UPP1: variants seen among roughly 807,000 people sequenced by gnomAD.
UPP1 encodes the protein uridine phosphorylase 1.
UPP1 carries 25 observed loss-of-function variants against 29.6 expected under a neutral mutation model. The observed-to-expected ratio is 0.85, with a 90% CI of 0.62 to 1.18. The LOEUF (loss-of-function observed/expected upper bound fraction) is 1.18. Among genes scored for constraint, UPP1 ranks in the 50% most tolerant of loss-of-function variants. The probability of loss-of-function intolerance (pLI) is 0.00; values close to 1 mark genes in which losing one functional copy is unlikely to be tolerated. For synonymous variants in UPP1, 165 were observed against 159.8 expected, an observed-to-expected ratio of 1.03 and a Z score of -0.25; for missense variants, 368 against 410.4, an observed-to-expected ratio of 0.90 and a Z score of 0.89.
Position 48,106,860 on chromosome 7 carries a change from C to CT in UPP1, c.437-7dup. On this transcript the variant is annotated splice_polypyrimidine_tract_variant and intron_variant, in intron 6 of 8. Coordinates refer to ENST00000395564, the MANE Select transcript of UPP1 (RefSeq NM_003364.4). The stretch of plus-strand genomic sequence containing the variant: ...TACACCCTGCATATCTTGATGTCTG[C>CT]TTTTTTCCTCAGGTCTGGAGCCCGG... 1.2e-6 allele frequency: 2 copies of CT among 1,613,280 alleles called. No homozygotes were observed. The highest frequency in any genetic ancestry group is 1.7e-6 in the Non-Finnish European group (2 of 1,179,710).
At chr7:48,094,028 C>T (rs1406663351) in intron 2 of UPP1, among the ~76,000 whole-genome samples, 2 of 152,032 alleles carry the variant, frequency 1.3e-5, no homozygotes, top group Admixed American at 1.3e-4. Flanking sequence ...AACATGGTGG[C>T]GTGTGTCTGT....
chr7:48,107,060 G>A lies in UPP1; in HGVS notation c.624G>A (p.Met208Ile). ...TCACCACAGTGGTGGGGAACACCAT[G>A]TGCACCTTGGACTTCTATGAAGGTG... ...SEFTTVVGNT[M>I]CTLDFYEGQG... Residue 208 changes from methionine to isoleucine, a missense_variant, in exon 7 of 9, where the codon ATG (methionine) becomes ATA (isoleucine). Met to Ile is a conservative substitution (Grantham distance 10). Transcript: ENST00000395564. 1 of 1,612,178 alleles carries A rather than the reference G, an allele frequency of 6.2e-7. No homozygotes were observed. Among genetic ancestry groups the A allele is most frequent in the Non-Finnish European group, 8.5e-7 (1 of 1,179,908 alleles).
chr7:48,108,021 G>C (rs543393923), intron 8 of UPP1, among the ~76,000 whole-genome samples, 197 bp from the exon 9 acceptor site: 1 of 152,182 alleles, frequency 6.6e-6, no homozygotes, highest in Non-Finnish European at 1.5e-5. Flanking sequence ...GTCAGAGAGG[G>C]AGGAGTCTTC....
chr7:48,094,970 A>C (rs1792048752), intron 3 of UPP1, 143 bp downstream of exon 3: 1 of 1,056,198 alleles, frequency 9.5e-7, no homozygotes, highest in Non-Finnish European at 1.4e-6. Flanking sequence ...TGGAGGGATT[A>C]ATGACTCAGG....
chr7:48,108,267 C>T lies in UPP1; in HGVS notation c.843C>T (p.Ile281=). Residue 281 remains isoleucine (I), a synonymous_variant, in exon 9 of 9, where the codon ATC becomes ATT. Coordinates refer to ENST00000395564, the MANE Select transcript of UPP1 (RefSeq NM_003364.4). ...TGAACCGCCTGGAAGGGGACCAGAT[C>T]AGCAGCCCTCGCAATGTGCTCAGCG... ...TLLNRLEGDQ[I]SSPRNVLSEY... The T allele has an allele frequency of 6.2e-7, 1 of 1,614,012 alleles. No homozygotes were observed. Among genetic ancestry groups the T allele is most frequent in the Non-Finnish European group, 8.5e-7 (1 of 1,180,040 alleles).
chr7:48,091,203 A>C (rs1200359539), intron 2 of UPP1, among the ~76,000 whole-genome samples: 1 of 152,166 alleles, frequency 6.6e-6, no homozygotes, highest in Non-Finnish European at 1.5e-5. Flanking sequence ...AATGTTTACA[A>C]GCTAAGTTAT....
rs768368343 is a variant in UPP1 at position 48,103,429 on chromosome 7, G to A, written c.436+18G>A. On this transcript the variant is annotated intron_variant, in intron 6 of 8. Transcript: ENST00000395564. ...TGGGATAGGTAAGGTCTGCAGAGGGGCCTCTTGCCCTGTGAATGGATGAGG... is the reference window on the plus strand; with the variant it reads ...TGGGATAGGTAAGGTCTGCAGAGGGACCTCTTGCCCTGTGAATGGATGAGG... 29 of 1,602,200 alleles carry A rather than the reference G, an allele frequency of 1.8e-5. No homozygotes were observed. The highest frequency in any genetic ancestry group is 2.4e-5 in the Non-Finnish European group (28 of 1,169,424).
intron 2 of UPP1, among the ~76,000 whole-genome samples, chr7:48,093,013 T>TA (rs911556777): frequency 2.0e-5 from 3 of 151,812 alleles, no homozygotes; most frequent in Non-Finnish European, 4.4e-5. Context: ...CCCCTGTTTC[T>TA]AAAAAAATGA....
intron 3 of UPP1, among the ~76,000 whole-genome samples, 156 bp from the exon 4 acceptor site, chr7:48,099,514 C>T (rs146180931): frequency 1.3e-5 from 2 of 152,244 alleles, no homozygotes; most frequent in Admixed American, 6.5e-5. Flanking sequence ...GAGGCAAGTG[C>T]GGACCTTGGC....
upstream of UPP1, chr7:48,088,939 C>A (rs1283877536): frequency 3.3e-5 from 5 of 152,408 alleles, no homozygotes; most frequent in Admixed American, 3.3e-4. Context: ...AAGATTTCCT[C>A]TGTAGTAGGG....
In UPP1 at chr7:48,107,009, G is replaced by T. The variant is rs1368084157; in HGVS notation, c.573G>T (p.Leu191Phe). ...ACAAGAAGCTGGTGCAGGAGCTGTT[G>T]CTGTGTTCTGCAGAGCTGAGCGAGT... ...DLNKKLVQEL[L>F]LCSAELSEFT... The change falls in exon 7 of 9, where the codon TTG becomes TTT. Residue 191 changes from leucine to phenylalanine, a missense_variant. Physicochemically the swap from Leu to Phe is conservative, Grantham distance 22. Transcript: ENST00000395564. 2 of 1,612,874 alleles carry T rather than the reference G, an allele frequency of 1.2e-6. No homozygotes were observed. Among genetic ancestry groups the T allele is most frequent in the Admixed American group, 3.3e-5 (2 of 60,018 alleles).
At chr7:48,094,634 C>T (rs1213116483) in intron 2 of UPP1, 129 bp from the exon 3 acceptor site, 1 of 723,984 alleles carries the variant, frequency 1.4e-6, no homozygotes, top group Non-Finnish European at 2.4e-6. Flanking sequence ...TCACACAATT[C>T]ACACACTTAC....
intron 3 of UPP1, among the ~76,000 whole-genome samples, chr7:48,096,259 G>C (rs1792122113): frequency 6.6e-6 from 1 of 152,192 alleles, no homozygotes; most frequent in African/African-American, 2.4e-5. Context: ...CTTGCTGAAA[G>C]GCAGTCAGGT....
intron 3 of UPP1, among the ~76,000 whole-genome samples, chr7:48,098,009 G>C (rs1792214094): frequency 6.6e-6 from 1 of 152,144 alleles, no homozygotes; most frequent in South Asian, 2.1e-4. Context: ...GGGGCAGGCG[G>C]GTGTGGCTCT....
chr7:48,108,477 C>A lies in UPP1; in HGVS notation c.*120C>A. 1.7e-6 allele frequency: 2 copies of A among 1,204,426 alleles called. No homozygotes were observed. Among genetic ancestry groups the A allele is most frequent in the Non-Finnish European group, 2.2e-6 (2 of 895,700 alleles). 74.6% of individuals were successfully genotyped at this position (1,204,426 alleles called of 1,614,324 possible). A position where few individuals can be genotyped will look rare whatever the true frequency, so the allele number is the denominator to read the frequency against. ...CACAAGAATCTAGAAAATCAGATCGCGATTAAGAGACAGAGAATCTTGGAT... is the reference window on the plus strand; with the variant it reads ...CACAAGAATCTAGAAAATCAGATCGAGATTAAGAGACAGAGAATCTTGGAT... On this transcript the variant is annotated 3_prime_UTR_variant, in exon 9 of 9. Transcript: ENST00000395564.
In UPP1 at chr7:48,103,394, G is replaced by C; in HGVS notation, c.419G>C (p.Gly140Ala). 2 of 1,613,826 alleles carry C rather than the reference G, an allele frequency of 1.2e-6. No individual in the cohort carries two copies. The highest frequency in any genetic ancestry group is 1.7e-6 in the Non-Finnish European group (2 of 1,179,756). ...RCSNVTIIRI[G>A]TSGGIGLEPG... is the part of the protein sequence containing the mutation. The stretch of plus-strand genomic sequence containing the variant: ...TCCAACGTCACTATCATCCGCATTG[G>C]CACTTCTGGTGGGATAGGTAAGGTC... Residue 140 changes from glycine to alanine, a missense_variant, in exon 6 of 9, where the codon GGC becomes GCC. Transcript: ENST00000395564.
intron 6 of UPP1, chr7:48,105,839 A>G (rs1049141204): frequency 6.6e-6 from 1 of 152,222 alleles, no homozygotes; most frequent in Non-Finnish European, 1.5e-5. Flanking sequence ...GCCTGAAACC[A>G]TCACATTTAG....
At chr7:48,107,114 A>G (rs1792797007) in intron 7 of UPP1, 32 bp downstream of exon 7, 1 of 1,607,172 alleles carries the variant, frequency 6.2e-7, no homozygotes, top group Non-Finnish European at 8.5e-7. Context: ...GGCATCTTTC[A>G]GCCAGGGAAC....
chr7:48,108,663 G>T lies in UPP1; in HGVS notation c.*306G>T. ...AATTCTAATGGTAGTCAGATTTCATGTCACTAAACAAGAAATCTGACAATA... is the reference window on the plus strand; with the variant it reads ...AATTCTAATGGTAGTCAGATTTCATTTCACTAAACAAGAAATCTGACAATA... On this transcript the variant is annotated 3_prime_UTR_variant, in exon 9 of 9. Transcript: ENST00000395564. 4.4e-6 allele frequency: 1 copy of T among 228,396 alleles called. No individual in the cohort carries two copies. 14.1% of individuals were successfully genotyped at this position (228,396 alleles called of 1,614,324 possible). A position where few individuals can be genotyped will look rare whatever the true frequency, so the allele number is the denominator to read the frequency against.
Sources: gnomAD v4.1 joint callset for allele counts (sites outside exome capture counted in the v4.1 genomes callset) on GRCh38, gnomAD v4.1.1 for gene constraint, MANE v1.5 for transcripts, NCBI Gene and HGNC (gene_info 2026-07-23, HGNC 2026-07-21) for gene names.